The following CDH6 variants were observed in gnomAD, a reference collection of about 807,000 sequenced individuals.
CDH6 encodes the protein cadherin 6, also known as cadherin-6.
CDH6 carries 31 observed loss-of-function variants against 78.0 expected under a neutral mutation model. The ratio of observed to expected loss-of-function variants is 0.40; its 90% CI spans 0.30 to 0.54. The LOEUF (loss-of-function observed/expected upper bound fraction) is 0.54, where lower values mean the gene tolerates loss of function less well. Among genes scored for constraint, CDH6 ranks in the 20% least tolerant of loss-of-function variants. CDH6 has a pLI of 0.56. For synonymous variants in CDH6, 376 were observed against 368.8 expected (o/e 1.02, Z -0.23); for missense variants, 724 against 975.9 (o/e 0.74, Z 3.44).
At chr5:31,309,105 A>T (rs906286625) in intron 7 of CDH6, among the ~76,000 whole-genome samples, 2 of 152,150 alleles carry the variant, frequency 1.3e-5, no homozygotes, top group Non-Finnish European at 2.9e-5. Context: ...ATGGCAAAAC[A>T]ATAGCTGTTT....
intron 2 of CDH6, among the ~76,000 whole-genome samples, chr5:31,271,169 A>G (rs1223913374): frequency 6.6e-6 from 1 of 152,164 alleles, no homozygotes; most frequent in East Asian, 1.9e-4. Flanking sequence ...CCTTATAAAC[A>G]TCTGTTTGTG....
In CDH6 at chr5:31,317,936, C is replaced by T; in HGVS notation, c.1882+12C>T. On this transcript the variant is annotated intron_variant, in intron 11 of 11. Coordinates refer to ENST00000265071, the MANE Select transcript of CDH6 (RefSeq NM_004932.4). ...CGTGATCCTACTAGGTAAACTGGTT[C>T]TCCCTGCCTCCTATCTCCCCATGGT... 1.2e-6 allele frequency: 2 copies of T among 1,610,552 alleles called. No homozygotes were observed. Among genetic ancestry groups the T allele is most frequent in the Non-Finnish European group, 1.7e-6 (2 of 1,179,984 alleles).
intron 2 of CDH6, among the ~76,000 whole-genome samples, chr5:31,282,032 G>A (rs994775519): frequency 6.6e-6 from 1 of 152,188 alleles, no homozygotes; most frequent in East Asian, 1.9e-4. Flanking sequence ...TGTTCAGGAA[G>A]GGTTAGTTTT....
At chr5:31,269,026 C>G (rs1359040275) in intron 2 of CDH6, among the ~76,000 whole-genome samples, 1 of 152,142 alleles carries the variant, frequency 6.6e-6, no homozygotes, top group Non-Finnish European at 1.5e-5. Context: ...TTCAGCTACT[C>G]GTACTTCACT....
intron 3 of CDH6, among the ~76,000 whole-genome samples, chr5:31,297,013 A>T (rs535930830): frequency 6.6e-5 from 10 of 152,288 alleles, no homozygotes; most frequent in African/African-American, 2.2e-4. Flanking sequence ...GCAAGAGTCC[A>T]GTCAAATCCC....
chr5:31,234,855 T>C (rs1554004720), intron 1 of CDH6, among the ~76,000 whole-genome samples: 1 of 152,190 alleles, frequency 6.6e-6, no homozygotes, highest in Non-Finnish European at 1.5e-5. Context: ...GGTTTGCACA[T>C]ATACATACAT....
intron 1 of CDH6, among the ~76,000 whole-genome samples, chr5:31,223,140 G>A (rs1158518709): frequency 6.6e-6 from 1 of 151,928 alleles, no homozygotes; most frequent in Non-Finnish European, 1.5e-5. Flanking sequence ...TTTCCCTGTT[G>A]ACTTATGTAC....
intron 1 of CDH6, among the ~76,000 whole-genome samples, chr5:31,241,099 C>T (rs1001214328): frequency 3.9e-5 from 6 of 152,186 alleles, no homozygotes; most frequent in African/African-American, 1.4e-4. Flanking sequence ...TAGTTCTAAC[C>T]CCTCATCATC....
chr5:31,248,225 C>T (rs1302674823), intron 1 of CDH6, among the ~76,000 whole-genome samples: 2 of 152,122 alleles, frequency 1.3e-5, no homozygotes, highest in Non-Finnish European at 2.9e-5. Flanking sequence ...TAAAAGCAGA[C>T]CTCAAAGCAA....
chr5:31,242,703 G>GGC (rs1554005341), intron 1 of CDH6, among the ~76,000 whole-genome samples: 2 of 142,010 alleles, frequency 1.4e-5, no homozygotes, highest in Admixed American at 6.9e-5. Context: ...AATAAGAATG[G>GGC]GGGGGGGCGG....
chr5:31,292,826 T>TATATATATATATGTGTGTGC (rs1554009176), intron 2 of CDH6, among the ~76,000 whole-genome samples: 1 of 67,406 alleles, frequency 1.5e-5, no homozygotes, highest in African/African-American at 6.7e-5. Flanking sequence ...TGTGTGCATA[T>TATATATATATATGTGTGTGC]ATATATATAT....
At chr5:31,243,214 T>C (rs918013224) in intron 1 of CDH6, among the ~76,000 whole-genome samples, 1 of 152,160 alleles carries the variant, frequency 6.6e-6, no homozygotes, top group African/African-American at 2.4e-5. Context: ...CAATGGAGCC[T>C]GCTGAGGTCG....
intron 11 of CDH6, chr5:31,318,254 T>G (rs1043386096): frequency 2.6e-5 from 15 of 568,438 alleles, no homozygotes; most frequent in South Asian, 6.9e-5. Flanking sequence ...ATTTTTTTAC[T>G]TGGAAAACGT....
chr5:31,314,673 C>T (rs1738256685), intron 8 of CDH6, among the ~76,000 whole-genome samples: 1 of 151,900 alleles, frequency 6.6e-6, no homozygotes, highest in Non-Finnish European at 1.5e-5. Flanking sequence ...TGTTATGGGA[C>T]TGATGTAGAT....
At chr5:31,287,828 T>A (rs1743050056) in intron 2 of CDH6, among the ~76,000 whole-genome samples, 2 of 152,264 alleles carry the variant, frequency 1.3e-5, no homozygotes, top group Admixed American at 1.3e-4. Flanking sequence ...GTAATGCCAA[T>A]GTGGCTGGTC....
intron 1 of CDH6, among the ~76,000 whole-genome samples, chr5:31,204,736 C>A (rs12055267): frequency 0.41 from 62,327 of 151,884 alleles, 13,421 homozygotes; most frequent in South Asian, 0.55. Flanking sequence ...GAGAGCCAAA[C>A]CTGTCCCGTT....
At chr5:31,302,351 G>T (rs1205422709) in intron 6 of CDH6, 53 bp downstream of exon 6, 31 of 1,312,252 alleles carry the variant, frequency 2.4e-5, no homozygotes, top group Non-Finnish European at 3.3e-5. Context: ...CTTTTCTCCA[G>T]TTCCTAAGTT....
chr5:31,239,202 AAGTCCCTAG>A (rs1741532653), intron 1 of CDH6, among the ~76,000 whole-genome samples: 1 of 152,220 alleles, frequency 6.6e-6, no homozygotes, highest in African/African-American at 2.4e-5. Flanking sequence ...ATAGCTCTAA[AAGTCCCTAG>A]AGGATATTGT....
At chr5:31,271,334 C>G (rs1742524526) in intron 2 of CDH6, among the ~76,000 whole-genome samples, 4 of 152,060 alleles carry the variant, frequency 2.6e-5, no homozygotes, top group African/African-American at 9.7e-5. Flanking sequence ...GGGTTCACAA[C>G]AGCCAATGAC....
Sources: allele counts gnomAD v4.1 joint callset (sites outside exome capture counted in the v4.1 genomes callset), GRCh38; gene constraint gnomAD v4.1.1; transcripts MANE v1.5; gene names NCBI Gene and HGNC (gene_info 2026-07-23, HGNC 2026-07-21).